Variants in ANO3 observed in about 807,000 individuals in gnomAD.
ANO3 encodes the protein anoctamin 3.
ANO3 carries 99 observed loss-of-function variants against 144.8 expected under a neutral mutation model. The ratio of observed to expected loss-of-function variants is 0.68; its 90% CI spans 0.58 to 0.81. The LOEUF (loss-of-function observed/expected upper bound fraction) is 0.81, where lower values mean the gene tolerates loss of function less well. Ranked by LOEUF, ANO3 falls within the 30% of genes least tolerant of loss-of-function variation. ANO3 has a pLI of 0.00. For missense variants in ANO3, 905 were observed against 1,202.2 expected, an observed-to-expected ratio of 0.75 and a Z score of 3.66; for synonymous variants, 414 against 392.6, an observed-to-expected ratio of 1.05 and a Z score of -0.64.
At chr11:26,233,107 C>T (rs182678857) in intron 1 of ANO3, among the ~76,000 whole-genome samples, 2,287 of 151,842 alleles carry the variant, frequency 0.015, 49 homozygotes, top group East Asian at 0.12. Flanking sequence ...GTCCCAGCTA[C>T]TCGGGAGGCT....
chr11:26,656,260 CT>C, intron 25 of ANO3, 55 bp downstream of exon 25: 1 of 1,528,628 alleles, frequency 6.5e-7, no homozygotes. Flanking sequence ...GTACTCCCCC[CT>C]GCATGTTAAT....
At chr11:26,488,070 G>A (rs1298513999) in intron 4 of ANO3, among the ~76,000 whole-genome samples, 1 of 152,124 alleles carries the variant, frequency 6.6e-6, no homozygotes. Flanking sequence ...GGAGGCTGAA[G>A]CAGGAGAATC....
intron 4 of ANO3, among the ~76,000 whole-genome samples, chr11:26,502,177 T>C (rs758511700): frequency 7.2e-5 from 11 of 152,210 alleles, no homozygotes; most frequent in Non-Finnish European, 1.5e-4. Flanking sequence ...ATTTGGATTA[T>C]TGGAAAACAA....
chr11:26,312,002 C>T (rs1854511829), intron 1 of ANO3, among the ~76,000 whole-genome samples: 1 of 152,114 alleles, frequency 6.6e-6, no homozygotes, highest in Non-Finnish European at 1.5e-5. Context: ...CTCCGCTCTC[C>T]CCCAACCCCA....
chr11:26,451,536 A>C (rs982673755), intron 3 of ANO3, among the ~76,000 whole-genome samples: 1 of 152,088 alleles, frequency 6.6e-6, no homozygotes, highest in Non-Finnish European at 1.5e-5. Context: ...CTGGGGGAGG[A>C]GCGCCCGCCA....
At chr11:26,338,794 G>GAA (rs1855268026) in intron 1 of ANO3, among the ~76,000 whole-genome samples, 1 of 151,766 alleles carries the variant, frequency 6.6e-6, no homozygotes, top group Admixed American at 6.6e-5. Context: ...GTGAGACCAC[G>GAA]AACCCACCGG....
intron 1 of ANO3, among the ~76,000 whole-genome samples, chr11:26,194,688 C>A (rs536795406): frequency 2.0e-5 from 3 of 151,638 alleles, no homozygotes; most frequent in African/African-American, 7.3e-5. Context: ...TTAGTAGAAA[C>A]GAGGTTTCTC....
At chr11:26,584,051 A>G (rs1404738219) in intron 14 of ANO3, among the ~76,000 whole-genome samples, 1 of 152,202 alleles carries the variant, frequency 6.6e-6, no homozygotes, top group Non-Finnish European at 1.5e-5. Context: ...AAAACTTGTT[A>G]AGCAATAATT....
Position 26,616,748 on chromosome 11 carries a change from A to G in ANO3, c.1837-7714A>G, listed in dbSNP as rs1013586009. On this transcript the variant is annotated intron_variant, in intron 17 of 26. Coordinates refer to ENST00000256737, the MANE Select transcript of ANO3 (RefSeq NM_031418.4). ...CAGAATGGGAGGTTTACCCTCAAAC[A>G]TTTTCTTACAAAATTGTTCTTTTTT... is the stretch of plus-strand genomic sequence containing the variant. Among the ~76,000 whole-genome samples the G allele has an allele frequency of 5.3e-5, 8 of 152,130 alleles. No homozygotes were observed. The East Asian group carries it at 1.5e-3, about 29-fold the overall frequency.
chr11:26,588,370 G>A (rs1235639348), intron 14 of ANO3, among the ~76,000 whole-genome samples: 2 of 152,144 alleles, frequency 1.3e-5, no homozygotes, highest in South Asian at 2.1e-4. Flanking sequence ...AAGTGAGAAT[G>A]TGGATTACCT....
chr11:26,599,418 A>G, intron 16 of ANO3, 132 bp from the exon 17 acceptor site: 1 of 941,348 alleles, frequency 1.1e-6, no homozygotes, highest in Non-Finnish European at 1.6e-6. Context: ...GGAGAAAATT[A>G]AATCTAGATA....
chr11:26,657,429 TA>T (rs1394154428), intron 26 of ANO3, among the ~76,000 whole-genome samples: 2 of 152,110 alleles, frequency 1.3e-5, no homozygotes, highest in African/African-American at 2.4e-5. Context: ...ACCCGGTGAT[TA>T]AAAAAACTTC....
chr11:26,450,525 C>G (rs539664661), intron 3 of ANO3, among the ~76,000 whole-genome samples: 1 of 152,292 alleles, frequency 6.6e-6, no homozygotes, highest in South Asian at 2.1e-4. Flanking sequence ...TGAATTTATT[C>G]TTCACAGAAA....
At chr11:26,444,891 C>T (rs1379494239) in intron 3 of ANO3, among the ~76,000 whole-genome samples, 1 of 151,966 alleles carries the variant, frequency 6.6e-6, no homozygotes, top group Non-Finnish European at 1.5e-5. Context: ...TAATTAAAGC[C>T]AGCAACCAGC....
intron 1 of ANO3, among the ~76,000 whole-genome samples, chr11:26,341,675 G>T (rs1341555570): frequency 1.3e-5 from 2 of 152,132 alleles, no homozygotes; most frequent in Admixed American, 1.3e-4. Flanking sequence ...CCCATGATAG[G>T]CCGTCTGCAA....
chr11:26,659,034 A>G (rs539037288), intron 26 of ANO3, among the ~76,000 whole-genome samples: 4 of 152,118 alleles, frequency 2.6e-5, no homozygotes, highest in African/African-American at 4.8e-5. Context: ...AACAGGAGGT[A>G]ATATTTAAGC....
intron 4 of ANO3, among the ~76,000 whole-genome samples, chr11:26,498,873 C>T (rs10834984): frequency 0.6 from 90,288 of 151,026 alleles, 27,620 homozygotes; most frequent in Middle Eastern, 0.69. Context: ...ATTTTTATAT[C>T]TTTAAGCTTT....
intron 1 of ANO3, among the ~76,000 whole-genome samples, chr11:26,283,277 A>G (rs34362229): frequency 0.062 from 8,669 of 139,338 alleles, 513 homozygotes; most frequent in African/African-American, 0.15. Context: ...ACATTCACCA[A>G]TCTGTTAGCA....
chr11:26,227,845 C>A (rs1200823427), intron 1 of ANO3, among the ~76,000 whole-genome samples: 1 of 152,096 alleles, frequency 6.6e-6, no homozygotes, highest in East Asian at 1.9e-4. Context: ...CAATAATAAA[C>A]ACTTTTAACA....
Sources: allele counts gnomAD v4.1 joint callset (sites outside exome capture counted in the v4.1 genomes callset), GRCh38; gene constraint gnomAD v4.1.1; transcripts MANE v1.5; gene names NCBI Gene and HGNC (gene_info 2026-07-23, HGNC 2026-07-21).